The following IFITM10 variants were observed in gnomAD, a reference collection of about 807,000 sequenced individuals.
The protein encoded by IFITM10 is interferon-induced transmembrane protein 10.
IFITM10 carries 17 observed loss-of-function variants against 19.0 expected under a neutral mutation model. The observed-to-expected ratio is 0.90, with a 90% CI of 0.61 to 1.34. The LOEUF (loss-of-function observed/expected upper bound fraction) is 1.34, where lower values mean the gene tolerates loss of function less well. IFITM10 is among the 40% of genes most tolerant of loss of function. The pLI, the probability that IFITM10 is intolerant of heterozygous loss-of-function variation, is 0.00. For synonymous variants in IFITM10, 148 were observed against 147.2 expected (o/e 1.01, Z -0.04); for missense variants, 306 against 319.8 (o/e 0.96, Z 0.33).
chr11:1,742,197 G>A (rs1376919980), intron 2 of IFITM10, among the ~76,000 whole-genome samples: 1 of 152,124 alleles, frequency 6.6e-6, no homozygotes, highest in Non-Finnish European at 1.5e-5. Flanking sequence ...ATGAGTGGTG[G>A]GGTGGGTGGA....
At chr11:1,743,103 GGATA>G (rs1260983590) in intron 2 of IFITM10, among the ~76,000 whole-genome samples, 3 of 150,486 alleles carry the variant, frequency 2.0e-5, no homozygotes, top group Non-Finnish European at 4.4e-5. Flanking sequence ...GAGGATGGAT[GGATA>G]GATGGATGGA....
intron 2 of IFITM10, among the ~76,000 whole-genome samples, chr11:1,737,460 G>A (rs1056189428): frequency 2.0e-5 from 3 of 152,192 alleles, no homozygotes; most frequent in Admixed American, 6.5e-5. Context: ...TCTGCGGGTC[G>A]TAGACTGTAC....
chr11:1,748,004 G>T lies in IFITM10; in HGVS notation c.200C>A (p.Ala67Glu), dbSNP rs1207150618. The change falls in exon 2 of 3, where the codon GCA becomes GAA. Residue 67 changes from alanine (A) to glutamate (E), a missense_variant. By Grantham distance (107) the Ala-to-Glu change is moderately radical. Transcript: ENST00000340134. ...DGAFWIPRPPAGSPKGCFACV... is the reference protein window; with the variant it reads ...DGAFWIPRPPEGSPKGCFACV... ...AGCGAAGCAGCCCTTGGGCGAACCT[G>T]CCGGGGGCCTCGGAATCCAGAAGGC... 2 of 1,438,992 alleles carry T rather than the reference G, an allele frequency of 1.4e-6. No homozygotes were observed. Among genetic ancestry groups the T allele is most frequent in the Non-Finnish European group, 1.8e-6 (2 of 1,098,444 alleles). The allele number at this position is 1,438,992 out of a possible 1,614,324, so 89.1% of individuals were successfully genotyped here.
In IFITM10 at chr11:1,734,579, G is replaced by A. The variant is rs1851063256; in HGVS notation, c.*701C>T. ...CCCACCCCCTTCCGTCCCCCCAGGA[G>A]GCTGCCTGACCCTCTAAGTGACTCG... On this transcript the variant is annotated 3_prime_UTR_variant, in exon 3 of 3. Coordinates refer to ENST00000340134, the MANE Select transcript of IFITM10 (RefSeq NM_001170820.4). 1 of 152,422 alleles carries A rather than the reference G, an allele frequency of 6.6e-6. No homozygotes were observed. The allele number at this position is 152,422 out of a possible 1,614,324, so 9.4% of individuals were successfully genotyped here.
chr11:1,750,370 A>G lies in IFITM10; in HGVS notation c.73T>C (p.Trp25Arg), dbSNP rs1024371241. The G allele has an allele frequency of 6.5e-6, 10 of 1,549,916 alleles. No individual in the cohort carries two copies. Among genetic ancestry groups the G allele is most frequent in the Non-Finnish European group, 8.7e-6 (10 of 1,146,902 alleles). ...TCCTCTTCACCAACCTCCAGCTCCC[A>G]CTGAGCCTCGACCCTCTCCAAAGTC... ...RGTLERVEAQ[W>R]ELEAQGPGQC... Residue 25 changes from tryptophan (W) to arginine (R), a missense_variant, in exon 1 of 3, where the codon TGG becomes CGG. Trp to Arg is a moderately radical substitution (Grantham distance 101, BLOSUM62 -3). Transcript: ENST00000340134.
intron 2 of IFITM10, chr11:1,746,849 G>A: frequency 2.5e-6 from 1 of 398,536 alleles, no homozygotes; most frequent in Non-Finnish European, 4.4e-6. Context: ...CCTTCCTTCC[G>A]GTGCGTCGGG....
intron 1 of IFITM10, chr11:1,748,995 C>CA: frequency 9.7e-7 from 1 of 1,033,278 alleles, no homozygotes; most frequent in Non-Finnish European, 1.2e-6. Context: ...GCCGCAGCCC[C>CA]CCGGACGGCG....
Position 1,735,411 on chromosome 11 carries a change from G to C in IFITM10, c.556C>G (p.Leu186Val). Reference sequence around the variant, plus strand: ...TCCACGGCTCCATTCAGGTCATTGAGAAGCTTCTTGTCTCGCACCTGAAGC... The same window carrying C: ...TCCACGGCTCCATTCAGGTCATTGACAAGCTTCTTGTCTCGCACCTGAAGC... ...YSLKVRDKKL[L>V]NDLNGAVEDA... The change falls in exon 3 of 3, where the codon CTC (leucine) becomes GTC (valine). Residue 186 changes from leucine to valine, a missense_variant. Coordinates refer to ENST00000340134, the MANE Select transcript of IFITM10 (RefSeq NM_001170820.4). 2 of 1,551,594 alleles carry C rather than the reference G, an allele frequency of 1.3e-6. No individual in the cohort carries two copies. Among genetic ancestry groups the C allele is most frequent in the Non-Finnish European group, 1.7e-6 (2 of 1,146,886 alleles).
Position 1,746,926 on chromosome 11 carries a change from C to A in IFITM10, c.537+741G>T, listed in dbSNP as rs757677049. 3.7e-4 allele frequency: 146 copies of A among 397,518 alleles called. 1 individual carries two copies. Among genetic ancestry groups the A allele is most frequent in the Non-Finnish European group, 5.8e-4 (130 of 225,952 alleles). The allele number at this position is 397,518 out of a possible 1,614,324, so 24.6% of individuals were successfully genotyped here. ...CCCTTCCCCAGGAAGGGCTCCAGCA[C>A]CAGACACATTGACACACGGCTGCCC... On this transcript the variant is annotated intron_variant, in intron 2 of 2. Transcript: ENST00000340134.
At chr11:1,742,616 G>A (rs961022177) in intron 2 of IFITM10, among the ~76,000 whole-genome samples, 1 of 152,204 alleles carries the variant, frequency 6.6e-6, no homozygotes, top group Non-Finnish European at 1.5e-5. Context: ...GTCACAGGAT[G>A]GAGGGATGAT....
Position 1,747,904 on chromosome 11 carries a change from C to T in IFITM10, c.300G>A (p.Ala100=), listed in dbSNP as rs1049505289. 2 of 1,506,496 alleles carry T rather than the reference C, an allele frequency of 1.3e-6. No homozygotes were observed. The highest frequency in any genetic ancestry group is 1.8e-6 in the Non-Finnish European group (2 of 1,123,070). 93.3% of individuals were successfully genotyped at this position (1,506,496 alleles called of 1,614,324 possible). A position where few individuals can be genotyped will look rare whatever the true frequency, so the allele number is the denominator to read the frequency against. ...TGGACTCCATGGGGAACAGTGTGGG[C>T]GCCATCGGGGGAGAGGCCGAGGGCT... ...APEPSASPPM[A]PTLFPMESKS... is the part of the protein sequence containing the mutation. Residue 100 remains alanine (A), a synonymous_variant, in exon 2 of 3, where the codon GCG becomes GCA. Transcript: ENST00000340134.
chr11:1,741,889 C>CA (rs1280393931), intron 2 of IFITM10, among the ~76,000 whole-genome samples: 1 of 152,172 alleles, frequency 6.6e-6, no homozygotes, highest in African/African-American at 2.4e-5. Flanking sequence ...AAAGGGGCCC[C>CA]AGGGAGGCCC....
At chr11:1,746,763 G>A (rs958561794) in intron 2 of IFITM10, 5 of 398,728 alleles carry the variant, frequency 1.3e-5, no homozygotes, top group African/African-American at 1.0e-4. Flanking sequence ...CAGCTGCATT[G>A]GTGGAGTACA....
intron 1 of IFITM10, chr11:1,749,186 TGCGCTCCCTCCGCAGC>T (rs1845689185): frequency 1.3e-6 from 1 of 758,120 alleles, no homozygotes; most frequent in East Asian, 1.3e-4. Flanking sequence ...CCCCGCCGCC[TGCGCTCCCTCCGCAGC>T]GCCAGACCGG....
intron 2 of IFITM10, among the ~76,000 whole-genome samples, chr11:1,739,235 G>C (rs183381057): frequency 1.3e-5 from 2 of 152,214 alleles, no homozygotes; most frequent in Admixed American, 1.3e-4. Context: ...ACGGATGCTG[G>C]ATGGCTGGGA....
intron 2 of IFITM10, among the ~76,000 whole-genome samples, chr11:1,736,999 G>C (rs7951148): frequency 0.32 from 48,881 of 151,862 alleles, 9,130 homozygotes; most frequent in African/African-American, 0.52. Context: ...GAGGATTCAG[G>C]GTAAGGAAGG....
In IFITM10 at chr11:1,747,878, T is replaced by A; in HGVS notation, c.326A>T (p.Lys109Met). The A allele has an allele frequency of 6.5e-7, 1 of 1,531,498 alleles. No individual in the cohort carries two copies. Among genetic ancestry groups the A allele is most frequent in the South Asian group, 1.2e-5 (1 of 80,136 alleles). The allele number at this position is 1,531,498 out of a possible 1,614,324, so 94.9% of individuals were successfully genotyped here. A position where few individuals can be genotyped will look rare whatever the true frequency, so the allele number is the denominator to read the frequency against. The change falls in exon 2 of 3, where the codon AAG (lysine) becomes ATG (methionine). Residue 109 changes from lysine to methionine, a missense_variant. Transcript: ENST00000340134. Reference sequence around the variant, plus strand: ...CCGCACGCTGTCGGTCTTGCTGCTCTTGGACTCCATGGGGAACAGTGTGGG... The same window carrying A: ...CCGCACGCTGTCGGTCTTGCTGCTCATGGACTCCATGGGGAACAGTGTGGG... ...MAPTLFPMES[K>M]SSKTDSVRAA...
Position 1,740,299 on chromosome 11 carries a change from C to CAAAAAAA in IFITM10, c.538-4877_538-4871dup, listed in dbSNP as rs58480346. Among the ~76,000 whole-genome samples the CAAAAAAA allele has an allele frequency of 5.1e-4, 21 of 40,984 alleles. 1 individual carries two copies. The highest frequency in any genetic ancestry group is 6.2e-4 in the Admixed American group (2 of 3,214). 26.9% of individuals were successfully genotyped at this position (40,984 alleles called of 152,430 possible). On this transcript the variant is annotated intron_variant, in intron 2 of 2. Transcript: ENST00000340134. ...TGGGCAACAGAGCAAGACTCCATCT[C>CAAAAAAA]AAAAAAAAAAAAAAAAAAAAAAAAA...
chr11:1,745,048 C>G (rs986214959), intron 2 of IFITM10: 3 of 152,582 alleles, frequency 2.0e-5, no homozygotes, highest in Non-Finnish European at 4.4e-5. Flanking sequence ...GCCTCTCTGC[C>G]CTGGCTGCCC....
Sources: allele counts gnomAD v4.1 joint callset (sites outside exome capture counted in the v4.1 genomes callset), GRCh38; gene constraint gnomAD v4.1.1; transcripts MANE v1.5; gene names NCBI Gene and HGNC (gene_info 2026-07-23, HGNC 2026-07-21).